Variants in STK3 observed in about 807,000 individuals in gnomAD.
The protein encoded by STK3 is serine/threonine kinase 3.
STK3 carries 41 observed loss-of-function variants against 58.0 expected under a neutral mutation model. That is an observed-to-expected ratio of 0.71 (90% CI 0.55 to 0.92). The LOEUF (loss-of-function observed/expected upper bound fraction) is 0.92, where lower values mean the gene tolerates loss of function less well. STK3 is among the 40% of genes least tolerant of loss of function. STK3 has a pLI of 0.00. For missense variants in STK3, 479 were observed against 602.7 expected (o/e 0.79, Z 2.15); for synonymous variants, 170 against 191.0 (o/e 0.89, Z 0.91).
chr8:98,513,310 A>AT (rs1387097189), intron 10 of STK3, among the ~76,000 whole-genome samples: 5 of 152,162 alleles, frequency 3.3e-5, no homozygotes, highest in Admixed American at 3.3e-4. Context: ...GCAAGGGTAC[A>AT]TCAGGAGCAC....
In STK3 at chr8:98,858,317, T is replaced by TAGAG. The variant is rs1374014336; in HGVS notation, c.110+25329_110+25330insCTCT. On this transcript the variant is annotated intron_variant, in intron 3 of 12. Transcript: ENST00000523601. ...ATATATATATATATATATATATATA[T>TAGAG]ATATATAGAGAGAGAGAGAGAGAGA... is the stretch of plus-strand genomic sequence containing the variant. Among the ~76,000 whole-genome samples, 275 of 49,200 alleles carry TAGAG rather than the reference T, an allele frequency of 5.6e-3. 1 individual carries two copies. Among genetic ancestry groups the TAGAG allele is most frequent in the African/African-American group, 7.3e-3 (94 of 12,946 alleles). 32.3% of individuals were successfully genotyped at this position (49,200 alleles called of 152,430 possible).
intron 6 of STK3, among the ~76,000 whole-genome samples, chr8:98,615,119 C>G (rs1337453623): frequency 2.6e-5 from 4 of 151,856 alleles, no homozygotes; most frequent in African/African-American, 7.2e-5. Flanking sequence ...GATCTGAGAA[C>G]GGGCAGACTA....
chr8:98,767,759 C>T (rs866475132), intron 2 of STK3, among the ~76,000 whole-genome samples: 4 of 152,124 alleles, frequency 2.6e-5, no homozygotes, highest in Middle Eastern at 3.2e-3. Flanking sequence ...AAATGACCCC[C>T]AGAATATCAA....
intron 6 of STK3, among the ~76,000 whole-genome samples, chr8:98,659,594 C>T (rs1175981644): frequency 6.6e-6 from 1 of 151,456 alleles, no homozygotes; most frequent in South Asian, 2.1e-4. Flanking sequence ...GCATTAGGTG[C>T]TATAATTTGA....
intron 3 of STK3, among the ~76,000 whole-genome samples, chr8:98,854,188 G>C (rs1478603878): frequency 5.3e-5 from 8 of 152,130 alleles, no homozygotes; most frequent in Non-Finnish European, 1.2e-4. Flanking sequence ...ACCCAGGCTG[G>C]AGTGCAATGG....
rs1476324141 is a variant in STK3 at position 98,911,637 on chromosome 8, G to T, written c.-78-27803C>A. Among the ~76,000 whole-genome samples the T allele has an allele frequency of 2.6e-5, 4 of 152,042 alleles. No individual in the cohort carries two copies. In the East Asian group the frequency reaches 7.7e-4, roughly 29 times the overall value. On this transcript the variant is annotated intron_variant, in intron 1 of 1. Transcript: ENST00000519420. ...TCGAACTCTTGGCCTCAAGTGATCT[G>T]CCCGCCTCGGCCTCCCAAAGTGCTG...
chr8:98,720,308 C>T (rs961439477), intron 4 of STK3, among the ~76,000 whole-genome samples: 5 of 152,006 alleles, frequency 3.3e-5, no homozygotes, highest in Non-Finnish European at 7.4e-5. Flanking sequence ...TTTTAACAGA[C>T]GAGGAAACGA....
chr8:98,894,938 A>G (rs1838392340), intron 1 of STK3, among the ~76,000 whole-genome samples: 1 of 152,124 alleles, frequency 6.6e-6, no homozygotes, highest in Admixed American at 6.6e-5. Flanking sequence ...ATGGATAGGA[A>G]CTCATTGAGT....
chr8:98,808,157 A>C (rs139251194), intron 1 of STK3, among the ~76,000 whole-genome samples: 1 of 152,258 alleles, frequency 6.6e-6, no homozygotes, highest in South Asian at 2.1e-4. Flanking sequence ...AAAGTACATA[A>C]GGCAGCACCT....
chr8:98,598,303 G>A, intron 6 of STK3: 3 of 985,250 alleles, frequency 3.0e-6, no homozygotes, highest in Non-Finnish European at 3.6e-6. Flanking sequence ...GAAACCCAAG[G>A]ATAAAAAGCT....
chr8:98,650,452 C>T (rs377122310), intron 6 of STK3, among the ~76,000 whole-genome samples: 2 of 152,214 alleles, frequency 1.3e-5, no homozygotes, highest in South Asian at 2.1e-4. Context: ...TCTGAGGTAC[C>T]GGGTTCACCT....
intron 4 of STK3, among the ~76,000 whole-genome samples, chr8:98,711,246 A>G (rs1826405471): frequency 6.6e-6 from 1 of 152,236 alleles, no homozygotes; most frequent in Admixed American, 6.5e-5. Context: ...CTCCAAAGGA[A>G]CACAGCTCCT....
chr8:98,556,004 G>A (rs1440298670), intron 8 of STK3, among the ~76,000 whole-genome samples: 1 of 152,006 alleles, frequency 6.6e-6, no homozygotes, highest in Non-Finnish European at 1.5e-5. Flanking sequence ...TGGGAATTTT[G>A]AAAGTCTACA....
chr8:98,435,548 G>T (rs1245484499), intron 2 of STK3, among the ~76,000 whole-genome samples: 1 of 151,772 alleles, frequency 6.6e-6, no homozygotes, highest in African/African-American at 2.4e-5. Context: ...TCACAGTATA[G>T]ATCAGATACA....
In STK3 at chr8:98,579,516, T is replaced by C. The variant is rs377684984; in HGVS notation, c.948+148A>G. 2.9e-4 allele frequency: 291 copies of C among 991,974 alleles called. 2 individuals carry two copies. The African/African-American group carries it at 4.4e-3, about 15-fold the overall frequency. The allele number at this position is 991,974 out of a possible 1,614,324, so 61.4% of individuals were successfully genotyped here. On this transcript the variant is annotated intron_variant, in intron 8 of 10. Coordinates refer to ENST00000419617, the MANE Select transcript of STK3 (RefSeq NM_006281.4). Reference sequence around the variant, plus strand: ...ACATCAGAAAAAGATAGCAAACATATAAGGCAAACCAAATATATTTTGAGA... The same window carrying C: ...ACATCAGAAAAAGATAGCAAACATACAAGGCAAACCAAATATATTTTGAGA...
chr8:98,563,719 GAC>G (rs963298459), intron 8 of STK3, among the ~76,000 whole-genome samples: 6 of 152,212 alleles, frequency 3.9e-5, no homozygotes, highest in African/African-American at 1.4e-4. Flanking sequence ...ATGTCATAGG[GAC>G]AAAGGAGTCA....
At chr8:98,593,559 GT>G (rs1165630717) in intron 7 of STK3, among the ~76,000 whole-genome samples, 1 of 152,178 alleles carries the variant, frequency 6.6e-6, no homozygotes, top group Non-Finnish European at 1.5e-5. Context: ...TCTGCCTACT[GT>G]CAGATCAGCA....
chr8:98,530,526 G>C (rs1046889359), intron 9 of STK3, among the ~76,000 whole-genome samples: 9 of 152,206 alleles, frequency 5.9e-5, no homozygotes, highest in African/African-American at 2.2e-4. Context: ...AAATAGCTAA[G>C]ATTTGACTGG....
intron 6 of STK3, among the ~76,000 whole-genome samples, chr8:98,667,712 T>TA (rs1399465245): frequency 6.6e-6 from 1 of 152,018 alleles, no homozygotes; most frequent in African/African-American, 2.4e-5. Context: ...GTTTTAAAAA[T>TA]AAAAAACGAA....
Sources: gnomAD v4.1 joint callset for allele counts (sites outside exome capture counted in the v4.1 genomes callset) on GRCh38, gnomAD v4.1.1 for gene constraint, MANE v1.5 for transcripts, NCBI Gene and HGNC (gene_info 2026-07-23, HGNC 2026-07-21) for gene names.